Variants in NPSR1 observed in about 807,000 individuals in gnomAD.
The protein encoded by NPSR1 is neuropeptide S receptor.
NPSR1 carries 48 observed loss-of-function variants against 46.9 expected under a neutral mutation model. That is an observed-to-expected ratio of 1.02 (90% confidence interval 0.81 to 1.30). The LOEUF (loss-of-function observed/expected upper bound fraction) is 1.30, where lower values mean the gene tolerates loss of function less well. Among genes scored for constraint, NPSR1 ranks in the 50% most tolerant of loss-of-function variants. The pLI is 0.00. For synonymous variants in NPSR1, 176 were observed against 168.1 expected, an observed-to-expected ratio of 1.05 and a Z score of -0.36; for missense variants, 450 against 449.5, an observed-to-expected ratio of 1.00 and a Z score of -0.01.
downstream of NPSR1, among the ~76,000 whole-genome samples, chr7:34,853,345 A>C (rs1381102241): frequency 6.6e-6 from 1 of 152,190 alleles, no homozygotes; most frequent in African/African-American, 2.4e-5. Context: ...TCTCGTCATC[A>C]TTTGAATGTA....
chr7:34,678,982 G>A (rs950841423), intron 1 of NPSR1, among the ~76,000 whole-genome samples: 1 of 152,076 alleles, frequency 6.6e-6, no homozygotes, highest in African/African-American at 2.4e-5. Flanking sequence ...AGAACCTGGG[G>A]TTGGGGAAAT....
rs145517733 is a variant in NPSR1, at chr7:34,770,173, G to A, written c.281-8289G>A. On this transcript the variant is annotated intron_variant, in intron 2 of 8. Coordinates refer to ENST00000360581, the MANE Select transcript of NPSR1 (RefSeq NM_207172.2). ...TCTAGAGAAACAAAATAATCTTTCC[G>A]TTTTTTAAAATTAAGGAATCAGTAA... Among the ~76,000 whole-genome samples, 189 of 152,224 alleles carry A rather than the reference G, an allele frequency of 1.2e-3. 1 individual carries two copies. The highest frequency in any genetic ancestry group is 4.1e-3 in the African/African-American group (171 of 41,538).
intron 2 of NPSR1, among the ~76,000 whole-genome samples, chr7:34,745,219 G>A (rs1785143767): frequency 6.6e-6 from 1 of 151,972 alleles, no homozygotes; most frequent in Non-Finnish European, 1.5e-5. Flanking sequence ...AACTCCAGTG[G>A]GATTTTTGTT....
intron 3 of NPSR1, among the ~76,000 whole-genome samples, chr7:34,802,420 C>T (rs1422543761): frequency 1.3e-5 from 2 of 150,012 alleles, no homozygotes; most frequent in African/African-American, 5.1e-5. Flanking sequence ...CGCATATCTA[C>T]AACTATCTGA....
chr7:34,849,587 A>T lies in NPSR1; in HGVS notation c.1048A>T (p.Arg350Ter). ...PCREQRSQDSRMTFRERTERH... is the reference protein window; with the variant it reads ...PCREQRSQDS ...CAGGGAGCAAAGATCACAGGATTCC[A>T]GAATGACGTTCCGGGAGAGAACTGA... Residue 350 changes from arginine to a stop codon, truncating the protein, a stop_gained, in exon 9 of 9, where the codon AGA becomes TGA. Transcript: ENST00000360581. LOFTEE classifies it high-confidence loss of function. 1 of 1,614,178 alleles carries T rather than the reference A, an allele frequency of 6.2e-7. No individual in the cohort carries two copies. The highest frequency in any genetic ancestry group is 8.5e-7 in the Non-Finnish European group (1 of 1,180,032).
chr7:34,848,492 G>T lies in NPSR1; in HGVS notation c.854G>T (p.Cys285Phe), dbSNP rs778048013. The part of the protein sequence containing the change: ...YSIIIILAFI[C>F]CWSPYFLFDI... Reference sequence around the variant, plus strand: ...CTCTCTTCTCCCCCAGCCTTCATCTGCTGTTGGAGTCCATACTTCCTGTTT... The same window carrying T: ...CTCTCTTCTCCCCCAGCCTTCATCTTCTGTTGGAGTCCATACTTCCTGTTT... The change falls in exon 8 of 9, where the codon TGC becomes TTC. Residue 285 changes from cysteine to phenylalanine, a missense_variant. Coordinates refer to ENST00000360581, the MANE Select transcript of NPSR1 (RefSeq NM_207172.2). 2 of 1,614,096 alleles carry T rather than the reference G, an allele frequency of 1.2e-6. No individual in the cohort carries two copies. Among genetic ancestry groups the T allele is most frequent in the East Asian group, 2.2e-5 (1 of 44,886 alleles).
chr7:34,845,620 C>G, intron 7 of NPSR1: 1 of 455,480 alleles, frequency 2.2e-6, no homozygotes, highest in South Asian at 1.6e-5. Context: ...TTTTTCTAGT[C>G]TTTACTCTGC....
chr7:34,681,829 G>C (rs1792653553), intron 1 of NPSR1, among the ~76,000 whole-genome samples: 1 of 152,146 alleles, frequency 6.6e-6, no homozygotes, highest in Admixed American at 6.5e-5. Context: ...GAGAGAGAGA[G>C]AGAGAGAGTA....
At chr7:34,668,889 G>A (rs1791893762) in intron 1 of NPSR1, among the ~76,000 whole-genome samples, 1 of 152,182 alleles carries the variant, frequency 6.6e-6, no homozygotes, top group Non-Finnish European at 1.5e-5. Flanking sequence ...GTGGAGCAGA[G>A]AAATGTAATC....
At chr7:34,707,791 T>A (rs1372378462) in intron 2 of NPSR1, among the ~76,000 whole-genome samples, 1 of 152,188 alleles carries the variant, frequency 6.6e-6, no homozygotes, top group Non-Finnish European at 1.5e-5. Flanking sequence ...TATAGGATGC[T>A]GTATTAGTTT....
At chr7:34,859,547 T>C (rs1338189131) in intron 8 of NPSR1, among the ~76,000 whole-genome samples, 2 of 151,512 alleles carry the variant, frequency 1.3e-5, no homozygotes, top group African/African-American at 2.4e-5. Flanking sequence ...CTGCCCTAAC[T>C]CCAAAGAACT....
intron 8 of NPSR1, among the ~76,000 whole-genome samples, chr7:34,877,388 G>A (rs1339907033): frequency 6.6e-6 from 1 of 152,230 alleles, no homozygotes; most frequent in Non-Finnish European, 1.5e-5. Flanking sequence ...TGAGGAGAGG[G>A]CAGTGGAAGA....
intron 6 of NPSR1, among the ~76,000 whole-genome samples, chr7:34,835,782 C>G (rs1190068718): frequency 1.3e-5 from 2 of 152,202 alleles, no homozygotes; most frequent in Non-Finnish European, 2.9e-5. Flanking sequence ...TGGTTCCTGA[C>G]TATAGGCAGC....
At chr7:34,756,269 A>G (rs1785839701) in intron 2 of NPSR1, among the ~76,000 whole-genome samples, 1 of 152,202 alleles carries the variant, frequency 6.6e-6, no homozygotes, top group South Asian at 2.1e-4. Context: ...GAAAGAAAGG[A>G]ATCTGTTCCC....
chr7:34,802,584 A>T (rs62462941), intron 3 of NPSR1, among the ~76,000 whole-genome samples: 1 of 150,406 alleles, frequency 6.6e-6, no homozygotes, highest in African/African-American at 2.5e-5. Flanking sequence ...ATTAAAGACT[A>T]AATTGTTAGA....
At position 34,827,579 on chromosome 7, in the gene NPSR1, C is replaced by T. The variant is rs770870116; in HGVS notation, c.657C>T (p.Tyr219=). ...PYMTIVAFLV[Y]FIPLTIISIM... is the part of the protein sequence containing the mutation. ...TGACCATCGTGGCCTTCCTGGTGTA[C>T]TTCATCCCTCTGACAATCATCAGGT... is the stretch of plus-strand genomic sequence containing the variant. The change falls in exon 5 of 9, where the codon TAC becomes TAT. Residue 219 remains tyrosine, a synonymous_variant. Transcript: ENST00000360581. 15 of 1,510,198 alleles carry T rather than the reference C, an allele frequency of 9.9e-6. No homozygotes were observed. Among genetic ancestry groups the T allele is most frequent in the Middle Eastern group, 3.7e-4 (2 of 5,400 alleles). 93.5% of individuals were successfully genotyped at this position (1,510,198 alleles called of 1,614,324 possible). A position where few individuals can be genotyped will look rare whatever the true frequency, so the allele number is the denominator to read the frequency against.
chr7:34,695,752 G>A lies in NPSR1; in HGVS notation c.280+11068G>A, dbSNP rs181899541. On this transcript the variant is annotated intron_variant, in intron 2 of 8. Coordinates refer to ENST00000360581, the MANE Select transcript of NPSR1 (RefSeq NM_207172.2). ...GAAATTAAAAGTAATACCACAATGAGATATCATCTTACACCAGTCAGAATG... is the reference window on the plus strand; with the variant it reads ...GAAATTAAAAGTAATACCACAATGAAATATCATCTTACACCAGTCAGAATG... Among the ~76,000 whole-genome samples the A allele has an allele frequency of 1.2e-4, 19 of 152,100 alleles. No individual in the cohort carries two copies. In the East Asian group the frequency reaches 3.7e-3, roughly 29 times the overall value.
At chr7:34,718,219 G>C (rs373504986) in intron 2 of NPSR1, among the ~76,000 whole-genome samples, 1 of 152,038 alleles carries the variant, frequency 6.6e-6, no homozygotes, top group African/African-American at 2.4e-5. Flanking sequence ...AATGTAATAC[G>C]TTATGCTAAA....
At chr7:34,676,399 G>A (rs1372562634) in intron 1 of NPSR1, among the ~76,000 whole-genome samples, 1 of 152,130 alleles carries the variant, frequency 6.6e-6, no homozygotes, top group African/African-American at 2.4e-5. Flanking sequence ...TGCTTTCAAA[G>A]CCTATCAACT....
Sources: allele counts gnomAD v4.1 joint callset (sites outside exome capture counted in the v4.1 genomes callset), GRCh38; gene constraint gnomAD v4.1.1; transcripts MANE v1.5; gene names NCBI Gene and HGNC (gene_info 2026-07-23, HGNC 2026-07-21).